The following POU2AF2 variants were observed in gnomAD, a reference collection of about 807,000 sequenced individuals.
POU2AF2 encodes the protein POU domain class 2-associating factor 2.
the POU2AF2 span, chr11:111,284,134 C>G: frequency 6.2e-7 from 1 of 1,614,222 alleles, no homozygotes; most frequent in South Asian, 1.1e-5. Context: ...CTGACTCAGA[C>G]TTCCACAACA....
chr11:111,284,526 G>A, the POU2AF2 span: 2 of 999,842 alleles, frequency 2.0e-6, no homozygotes. Context: ...AGAGATGCCA[G>A]GACACCCTCC....
At chr11:111,261,422 A>C in the POU2AF2 span, among the ~76,000 whole-genome samples, 8 of 152,244 alleles carry the variant, frequency 5.3e-5, no homozygotes, top group Non-Finnish European at 7.3e-5. Context: ...TGTAGAAAAA[A>C]GGCAATAAAC....
chr11:111,282,353 A>AT, the POU2AF2 span, among the ~76,000 whole-genome samples: 21 of 152,292 alleles, frequency 1.4e-4, no homozygotes, highest in Non-Finnish European at 2.6e-4. Context: ...AGCTGCACAG[A>AT]TTTTTTCCCA....
chr11:111,249,175 A>C, the POU2AF2 span, among the ~76,000 whole-genome samples: 1 of 152,190 alleles, frequency 6.6e-6, no homozygotes, highest in African/African-American at 2.4e-5. Flanking sequence ...TTGTATCTAG[A>C]GTATTTGAAT....
chr11:111,283,520 A>G, the POU2AF2 span, among the ~76,000 whole-genome samples: 1 of 152,198 alleles, frequency 6.6e-6, no homozygotes, highest in South Asian at 2.1e-4. Flanking sequence ...ATCTAATCCT[A>G]AAGAAAGTCA....
At chr11:111,267,004 A>G in the POU2AF2 span, among the ~76,000 whole-genome samples, 1 of 152,084 alleles carries the variant, frequency 6.6e-6, no homozygotes, top group African/African-American at 2.4e-5. Context: ...GGTGGCCCCA[A>G]TTATGACTTT....
the POU2AF2 span, among the ~76,000 whole-genome samples, chr11:111,258,416 T>C: frequency 6.6e-6 from 1 of 152,204 alleles, no homozygotes. Context: ...AACTCACACC[T>C]TGTATCATTA....
the POU2AF2 span, among the ~76,000 whole-genome samples, chr11:111,253,205 T>C: frequency 6.6e-6 from 1 of 152,186 alleles, no homozygotes; most frequent in Non-Finnish European, 1.5e-5. Context: ...GCTTCCATCT[T>C]TAATCATTTA....
At chr11:111,246,548 G>T in the POU2AF2 span, among the ~76,000 whole-genome samples, 2 of 152,142 alleles carry the variant, frequency 1.3e-5, no homozygotes, top group African/African-American at 4.8e-5. Context: ...GCCTTGTAAA[G>T]TACCTTAAAA....
chr11:111,281,496 T>C, the POU2AF2 span: 1 of 1,575,488 alleles, frequency 6.3e-7, no homozygotes, highest in Non-Finnish European at 8.7e-7. Context: ...ATCAAGCATC[T>C]GGGCTTCCAT....
the POU2AF2 span, among the ~76,000 whole-genome samples, chr11:111,257,463 G>A: frequency 3.3e-5 from 5 of 151,604 alleles, no homozygotes; most frequent in South Asian, 2.1e-4. Flanking sequence ...AGGTTCAAGC[G>A]ATTCAAGCGA....
chr11:111,284,482 C>A, the POU2AF2 span: 3 of 1,322,178 alleles, frequency 2.3e-6, no homozygotes, highest in African/African-American at 1.5e-5. Flanking sequence ...TCTGGCTCAC[C>A]CTGTAGACTC....
At chr11:111,279,231 A>ATTTAG in the POU2AF2 span, among the ~76,000 whole-genome samples, 2 of 152,270 alleles carry the variant, frequency 1.3e-5, no homozygotes, top group South Asian at 4.2e-4. Flanking sequence ...TCTTGACACC[A>ATTTAG]GTTTAGGTGC....
At chr11:111,258,787 G>T in the POU2AF2 span, among the ~76,000 whole-genome samples, 1 of 152,114 alleles carries the variant, frequency 6.6e-6, no homozygotes, top group African/African-American at 2.4e-5. Flanking sequence ...CTCCTTGGAT[G>T]GTGCCTTTGC....
At chr11:111,282,175 T>C in the POU2AF2 span, among the ~76,000 whole-genome samples, 1 of 152,156 alleles carries the variant, frequency 6.6e-6, no homozygotes, top group Non-Finnish European at 1.5e-5. Flanking sequence ...ACAGAGAAAA[T>C]CCATGCTAAG....
chr11:111,276,710 G>A, the POU2AF2 span, among the ~76,000 whole-genome samples: 221 of 148,168 alleles, frequency 1.5e-3, 2 homozygotes, highest in African/African-American at 5.2e-3. Context: ...AGCAATTGTG[G>A]AAGCTAAAAG....
chr11:111,251,800 A>G, the POU2AF2 span, among the ~76,000 whole-genome samples: 2 of 152,212 alleles, frequency 1.3e-5, no homozygotes, highest in Admixed American at 6.5e-5. Context: ...CATCTGCTAT[A>G]TGTTCTAAAG....
the POU2AF2 span, among the ~76,000 whole-genome samples, chr11:111,279,498 C>A: frequency 3.9e-5 from 6 of 152,174 alleles, no homozygotes; most frequent in Admixed American, 2.6e-4. Context: ...TCCTAGCTGG[C>A]AGTTGTCACT....
At chr11:111,272,028 AC>A in the POU2AF2 span, among the ~76,000 whole-genome samples, 1 of 152,112 alleles carries the variant, frequency 6.6e-6, no homozygotes, top group Admixed American at 6.5e-5. Context: ...AAAAAAAAGA[AC>A]TTTATAACCT....
Sources: gnomAD v4.1 joint callset for allele counts (sites outside exome capture counted in the v4.1 genomes callset) on GRCh38, gnomAD v4.1.1 for gene constraint, MANE v1.5 for transcripts, NCBI Gene and HGNC (gene_info 2026-07-23, HGNC 2026-07-21) for gene names.